GLCE: variants seen among roughly 807,000 people sequenced by gnomAD.
GLCE encodes the protein D-glucuronyl C5-epimerase.
GLCE carries 19 observed loss-of-function variants against 47.9 expected under a neutral mutation model. That is an observed-to-expected ratio of 0.40 (90% CI 0.28 to 0.58). The LOEUF is 0.58. Among genes scored for constraint, GLCE ranks in the 20% least tolerant of loss-of-function variants. The pLI is 0.48. For missense variants in GLCE, 556 were observed against 743.3 expected (o/e 0.75, Z 2.93); for synonymous variants, 245 against 263.4 (o/e 0.93, Z 0.68).
chr15:69,172,350 G>A (rs1043794257), intron 1 of GLCE, among the ~76,000 whole-genome samples: 2 of 152,088 alleles, frequency 1.3e-5, no homozygotes, highest in African/African-American at 4.8e-5. Context: ...AGCCAGCATG[G>A]GTTCACAAAG....
At chr15:69,240,283 C>CAAAAAAAAAAAAAAAAA (rs545688611) in intron 2 of GLCE, among the ~76,000 whole-genome samples, 1 of 18,418 alleles carries the variant, frequency 5.4e-5, no homozygotes. Flanking sequence ...GACTCCGTCT[C>CAAAAAAAAAAAAAAAAA]AAAAAAAAAA....
intron 2 of GLCE, among the ~76,000 whole-genome samples, chr15:69,233,706 T>A (rs897731299): frequency 6.6e-6 from 1 of 152,170 alleles, no homozygotes; most frequent in African/African-American, 2.4e-5. Flanking sequence ...TTAGACTGTT[T>A]AGGGACCATA....
chr15:69,255,994 A>G lies in GLCE; in HGVS notation c.188A>G (p.Asn63Ser), dbSNP rs770428454. The change falls in exon 3 of 5, where the codon AAC (asparagine) becomes AGC (serine). Residue 63 changes from asparagine to serine, a missense_variant. Around this residue, in one of 3 missense-constraint regions of GLCE, gnomAD observed 237 missense variants for 310.9 expected, o/e 0.76. Transcript: ENST00000261858. ...AGAGCAGCAGCATCTGAGAGTAACAACTATATGAACCACGTGGCCAAACAA... is the reference window on the plus strand; with the variant it reads ...AGAGCAGCAGCATCTGAGAGTAACAGCTATATGAACCACGTGGCCAAACAA... ...EKRAAASESN[N>S]YMNHVAKQQS... The G allele has an allele frequency of 1.2e-6, 2 of 1,614,072 alleles. No individual in the cohort carries two copies. The highest frequency in any genetic ancestry group is 1.1e-5 in the South Asian group (1 of 91,072).
chr15:69,176,216 GTTTTTTTT>G (rs35017106), intron 1 of GLCE, among the ~76,000 whole-genome samples: 3 of 63,390 alleles, frequency 4.7e-5, no homozygotes, highest in Middle Eastern at 0.024. Flanking sequence ...GTGGAACCTT[GTTTTTTTT>G]TTTTTTTTTT....
At chr15:69,231,286 A>G (rs79527737) in intron 2 of GLCE, among the ~76,000 whole-genome samples, 1 of 139,696 alleles carries the variant, frequency 7.2e-6, no homozygotes, top group South Asian at 2.3e-4. Context: ...TTGTCCAGTC[A>G]TTTTTTTTTT....
At chr15:69,229,867 A>G (rs2052498248) in intron 2 of GLCE, among the ~76,000 whole-genome samples, 1 of 152,300 alleles carries the variant, frequency 6.6e-6, no homozygotes, top group South Asian at 2.1e-4. Flanking sequence ...AATTTCATTT[A>G]CATATTGTCT....
At chr15:69,161,604 G>T (rs972342741) in intron 1 of GLCE, among the ~76,000 whole-genome samples, 3 of 152,230 alleles carry the variant, frequency 2.0e-5, no homozygotes, top group East Asian at 1.9e-4. Context: ...TACCGCGCAG[G>T]CTGGGCAGCA....
chr15:69,194,272 G>A (rs1346692700), intron 1 of GLCE, among the ~76,000 whole-genome samples: 1 of 152,062 alleles, frequency 6.6e-6, no homozygotes, highest in African/African-American at 2.4e-5. Flanking sequence ...TTTTAATATG[G>A]GTCAGAGACA....
intron 1 of GLCE, among the ~76,000 whole-genome samples, chr15:69,204,761 A>G (rs1248242393): frequency 6.6e-6 from 1 of 152,106 alleles, no homozygotes; most frequent in Non-Finnish European, 1.5e-5. Context: ...TTACTTTTCA[A>G]TTAGGTGGTA....
chr15:69,229,002 G>T (rs892577778), intron 2 of GLCE, among the ~76,000 whole-genome samples: 1 of 152,026 alleles, frequency 6.6e-6, no homozygotes, highest in Non-Finnish European at 1.5e-5. Context: ...ATTTTCAAGG[G>T]ATACATGTTA....
intron 3 of GLCE, among the ~76,000 whole-genome samples, chr15:69,259,214 G>A (rs187650171): frequency 6.6e-6 from 1 of 152,250 alleles, no homozygotes; most frequent in African/African-American, 2.4e-5. Context: ...GTGATAAGTG[G>A]AGTTTTTTAA....
Position 69,262,403 on chromosome 15 carries a change from T to C in GLCE, c.829+1074T>C, listed in dbSNP as rs191113437. On this transcript the variant is annotated intron_variant, in intron 4 of 4. Coordinates refer to ENST00000261858, the MANE Select transcript of GLCE (RefSeq NM_015554.3). ...TAAATTTTTAAGAATATTTAGCTTG[T>C]GATACCTAAGAGGTTATTGCAACAG... Among the ~76,000 whole-genome samples, 213 of 152,356 alleles carry C rather than the reference T, an allele frequency of 1.4e-3. 1 individual carries two copies. The highest frequency in any genetic ancestry group is 4.9e-3 in the African/African-American group (204 of 41,584).
At chr15:69,206,821 T>C (rs2052158663) in intron 1 of GLCE, among the ~76,000 whole-genome samples, 1 of 152,092 alleles carries the variant, frequency 6.6e-6, no homozygotes, top group South Asian at 2.1e-4. Flanking sequence ...ATATACTTGT[T>C]GATGCAGGGG....
In GLCE at chr15:69,269,191, T is replaced by C. The variant is rs551729700; in HGVS notation, c.1801T>C (p.Phe601Leu). Residue 601 changes from phenylalanine (F) to leucine (L), a missense_variant, in exon 5 of 5, where the codon TTT becomes CTT. Phe to Leu is a conservative substitution (Grantham distance 22). Coordinates refer to ENST00000261858, the MANE Select transcript of GLCE (RefSeq NM_015554.3). ...TGATGAGTCCCCAGTCTTCAAAGAA[T>C]TTGTCAAGAGGTGGAAAAGCTACCT... ...TIDESPVFKE[F>L]VKRWKSYLKG... 7 of 1,614,034 alleles carry C rather than the reference T, an allele frequency of 4.3e-6. No homozygotes were observed. The South Asian group carries it at 6.6e-5, about 15-fold the overall frequency.
chr15:69,219,809 G>A (rs1004172802), intron 2 of GLCE, among the ~76,000 whole-genome samples: 7 of 151,896 alleles, frequency 4.6e-5, no homozygotes, highest in Non-Finnish European at 1.5e-5. Flanking sequence ...TCATAATGTT[G>A]TGCATCCATT....
chr15:69,172,182 G>A (rs2051598704), intron 1 of GLCE, among the ~76,000 whole-genome samples: 1 of 151,978 alleles, frequency 6.6e-6, no homozygotes, highest in Admixed American at 6.6e-5. Context: ...AGAGTATTTT[G>A]GCTGCTGAAG....
intron 2 of GLCE, among the ~76,000 whole-genome samples, chr15:69,255,360 G>A (rs1249902935): frequency 2.6e-5 from 4 of 152,134 alleles, no homozygotes; most frequent in Non-Finnish European, 4.4e-5. Flanking sequence ...TCAGTGAAGC[G>A]TTTCAGATTT....
chr15:69,187,225 T>A (rs2051836566), intron 1 of GLCE, among the ~76,000 whole-genome samples: 1 of 152,202 alleles, frequency 6.6e-6, no homozygotes, highest in Admixed American at 6.5e-5. Context: ...GTCACTGTTA[T>A]CTGTCATGTT....
intron 1 of GLCE, among the ~76,000 whole-genome samples, chr15:69,181,230 G>T (rs936899700): frequency 6.6e-6 from 1 of 152,196 alleles, no homozygotes; most frequent in Non-Finnish European, 1.5e-5. Flanking sequence ...TTCTAAGTGA[G>T]ATGACTGCTA....
Sources: allele counts gnomAD v4.1 joint callset (sites outside exome capture counted in the v4.1 genomes callset), GRCh38; gene constraint gnomAD v4.1.1; regional missense constraint gnomAD v4.1.1; transcripts MANE v1.5; gene names NCBI Gene and HGNC (gene_info 2026-07-23, HGNC 2026-07-21).